Variants in CSMD1 observed in about 807,000 individuals in gnomAD.
CSMD1 encodes the protein CUB and Sushi multiple domains 1.
In CSMD1, 213 loss-of-function variants were observed where a neutral mutation model predicts 417.5. The observed-to-expected ratio is 0.51, with a 90% CI of 0.46 to 0.57. The LOEUF (loss-of-function observed/expected upper bound fraction) is 0.57, where lower values mean the gene tolerates loss of function less well. CSMD1 is among the 20% of genes least tolerant of loss of function. The pLI is 0.00. For synonymous variants in CSMD1, 2,862 were observed against 1,736.8 expected, an observed-to-expected ratio of 1.65 and a Z score of -16.11; for missense variants, 6,923 against 4,529.7, an observed-to-expected ratio of 1.53 and a Z score of -15.17.
chr8:4,762,509 CAT>C (rs935021285), intron 1 of CSMD1, among the ~76,000 whole-genome samples: 1 of 152,064 alleles, frequency 6.6e-6, no homozygotes, highest in African/African-American at 2.4e-5. Flanking sequence ...CATAGGTAAG[CAT>C]ATATGTCTCC....
intron 3 of CSMD1, among the ~76,000 whole-genome samples, chr8:4,344,822 G>C (rs1453991597): frequency 6.6e-6 from 1 of 152,108 alleles, no homozygotes; most frequent in Non-Finnish European, 1.5e-5. Context: ...TATAGCAGCT[G>C]ATCTTTAAAA....
At chr8:4,854,478 T>C (rs1208090534) in intron 1 of CSMD1, among the ~76,000 whole-genome samples, 3 of 151,882 alleles carry the variant, frequency 2.0e-5, no homozygotes, top group East Asian at 1.9e-4. Flanking sequence ...AGACGGGTGA[T>C]TTCTGTATTT....
intron 1 of CSMD1, among the ~76,000 whole-genome samples, chr8:4,734,016 T>C (rs927673371): frequency 6.6e-6 from 1 of 152,212 alleles, no homozygotes; most frequent in African/African-American, 2.4e-5. Flanking sequence ...AAGAAGTCCT[T>C]CTTACAAAAA....
chr8:3,741,782 A>G (rs973301896), intron 6 of CSMD1, among the ~76,000 whole-genome samples: 2 of 152,166 alleles, frequency 1.3e-5, no homozygotes, highest in Admixed American at 6.5e-5. Flanking sequence ...GAATATGCCC[A>G]TTTCTCTATG....
rs1470490241 is a variant in CSMD1, at chr8:3,862,992, C to CCAAAT, written c.819-108951_819-108950insATTTG. Among the ~76,000 whole-genome samples, 17 of 152,262 alleles carry CCAAAT rather than the reference C, an allele frequency of 1.1e-4. No homozygotes were observed. The East Asian group carries it at 3.3e-3, about 29-fold the overall frequency. On this transcript the variant is annotated intron_variant, in intron 5 of 69. Transcript: ENST00000635120. ...GTCTGGAGATTCCAATATCAAGGTA[C>CCAAAT]CAACAGATTTGGTATCTGGTAAGAT...
chr8:3,993,982 G>C (rs909260324), intron 5 of CSMD1, among the ~76,000 whole-genome samples: 3 of 152,136 alleles, frequency 2.0e-5, no homozygotes, highest in African/African-American at 7.2e-5. Flanking sequence ...GGGTTCACAG[G>C]GGCAAACTGC....
chr8:4,322,444 G>C (rs1253689557), intron 3 of CSMD1, among the ~76,000 whole-genome samples: 1 of 152,116 alleles, frequency 6.6e-6, no homozygotes, highest in Non-Finnish European at 1.5e-5. Context: ...TCTATCATAA[G>C]AGTAGGAAAA....
chr8:4,277,115 A>T (rs890385681), intron 3 of CSMD1, among the ~76,000 whole-genome samples: 2 of 152,180 alleles, frequency 1.3e-5, no homozygotes, highest in African/African-American at 4.8e-5. Context: ...AATTAAAAAT[A>T]GTTCCTTCAT....
At chr8:4,754,982 C>CA (rs1477669756) in intron 1 of CSMD1, among the ~76,000 whole-genome samples, 1 of 151,976 alleles carries the variant, frequency 6.6e-6, no homozygotes, top group Non-Finnish European at 1.5e-5. Context: ...ACTAAAAACA[C>CA]AAAAAATCAG....
chr8:4,822,920 A>C (rs1387866558), intron 1 of CSMD1, among the ~76,000 whole-genome samples: 1 of 152,050 alleles, frequency 6.6e-6, no homozygotes, highest in African/African-American at 2.4e-5. Flanking sequence ...TCTGTGACTA[A>C]TATTTTGTTT....
At chr8:3,049,128 T>C (rs1230732183) in intron 50 of CSMD1, among the ~76,000 whole-genome samples, 1 of 152,158 alleles carries the variant, frequency 6.6e-6, no homozygotes. Context: ...CACTCATTGC[T>C]GGTGGGAATG....
chr8:3,681,539 A>G (rs373555215), intron 7 of CSMD1, among the ~76,000 whole-genome samples: 1 of 152,326 alleles, frequency 6.6e-6, no homozygotes, highest in East Asian at 1.9e-4. Flanking sequence ...GAAATAAAAG[A>G]GGATACAAAC....
At chr8:3,052,902 G>A (rs754305373) in intron 49 of CSMD1, among the ~76,000 whole-genome samples, 31 of 151,250 alleles carry the variant, frequency 2.0e-4, no homozygotes, top group Non-Finnish European at 3.8e-4. Flanking sequence ...TGATTCTCAT[G>A]CCTCAGCTTC....
chr8:4,898,676 A>G (rs1319299726), intron 1 of CSMD1, among the ~76,000 whole-genome samples: 1 of 152,206 alleles, frequency 6.6e-6, no homozygotes, highest in African/African-American at 2.4e-5. Flanking sequence ...TACAGACAGG[A>G]AAGACTGAGA....
At chr8:3,653,779 T>C (rs1449408008) in intron 7 of CSMD1, among the ~76,000 whole-genome samples, 2 of 152,188 alleles carry the variant, frequency 1.3e-5, no homozygotes, top group African/African-American at 4.8e-5. Flanking sequence ...CAAAATGACA[T>C]ATCCCTAACT....
At chr8:3,462,931 C>G (rs7006311) in intron 12 of CSMD1, among the ~76,000 whole-genome samples, 8,673 of 152,220 alleles carry the variant, frequency 0.057, 363 homozygotes, top group East Asian at 0.15. Flanking sequence ...GGTGGAGCCC[C>G]TGTGAACAGG....
chr8:4,154,190 C>A (rs188973069), intron 3 of CSMD1, among the ~76,000 whole-genome samples: 17 of 152,162 alleles, frequency 1.1e-4, no homozygotes, highest in Middle Eastern at 3.4e-3. Context: ...CCTTAGATGC[C>A]ACATCTATTC....
intron 2 of CSMD1, among the ~76,000 whole-genome samples, chr8:4,616,689 A>G (rs1400151580): frequency 6.6e-6 from 1 of 152,212 alleles, no homozygotes; most frequent in East Asian, 1.9e-4. Flanking sequence ...CTTTAAAAGC[A>G]TCTTGACTCA....
intron 18 of CSMD1, among the ~76,000 whole-genome samples, chr8:3,380,671 T>A (rs1810575165): frequency 2.0e-5 from 3 of 152,022 alleles, no homozygotes; most frequent in South Asian, 4.2e-4. Flanking sequence ...TTCTCACTCA[T>A]AAGAGGGAGC....
Sources: gnomAD v4.1 joint callset for allele counts (sites outside exome capture counted in the v4.1 genomes callset) on GRCh38, gnomAD v4.1.1 for gene constraint, MANE v1.5 for transcripts, NCBI Gene and HGNC (gene_info 2026-07-23, HGNC 2026-07-21) for gene names.